Variants in PSMC5 observed in about 807,000 individuals in gnomAD.
The protein encoded by PSMC5 is 26S proteasome regulatory subunit 8.
A neutral mutation model predicts 49.1 loss-of-function variants in PSMC5; 11 were observed. The ratio of observed to expected loss-of-function variants is 0.22; its 90% confidence interval spans 0.14 to 0.37. PSMC5 has a LOEUF of 0.37. Among genes scored for constraint, PSMC5 ranks in the 10% least tolerant of loss-of-function variants. The pLI is 1.00. For missense variants in PSMC5, 229 were observed against 520.9 expected, an observed-to-expected ratio of 0.44 and a Z score of 5.45; for synonymous variants, 206 against 192.2, an observed-to-expected ratio of 1.07 and a Z score of -0.59.
In PSMC5 at chr17:63,831,411, C is replaced by A; in HGVS notation, c.955C>A (p.Pro319Thr). 1 of 1,613,574 alleles carries A rather than the reference C, an allele frequency of 6.2e-7. No individual in the cohort carries two copies. Among genetic ancestry groups the A allele is most frequent in the Non-Finnish European group, 8.5e-7 (1 of 1,179,740 alleles). ...GRIDRKIEFPPPNEEARLDIL... is the reference protein window; with the variant it reads ...GRIDRKIEFPTPNEEARLDIL... ...CATTGACAGAAAAATTGAATTCCCA[C>A]CCCCCAATGAGGAGGTTTGTGATGG... The change falls in exon 9 of 12, where the codon CCC (proline) becomes ACC (threonine). Residue 319 changes from proline to threonine, a missense_variant. By Grantham distance (38) the Pro-to-Thr change is conservative. This residue lies in a region of PSMC5 where 121 missense variants were observed against 330.6 expected (regional missense o/e 0.37). Coordinates refer to ENST00000310144, the MANE Select transcript of PSMC5 (RefSeq NM_002805.6). The surrounding 1 kb of genome is among the most constrained non-coding windows in gnomAD (Gnocchi z 6.3).
chr17:63,828,529 A>G (rs912578101), intron 2 of PSMC5: 2 of 244,114 alleles, frequency 8.2e-6, no homozygotes, highest in Non-Finnish European at 1.6e-5. Context: ...TAAAAGGGAA[A>G]CATAAGCTCA....
In PSMC5 at chr17:63,831,921, G is replaced by A. The variant is rs781264605; in HGVS notation, c.1173G>A (p.Met391Ile). The A allele has an allele frequency of 1.2e-6, 2 of 1,614,064 alleles. No homozygotes were observed. Among genetic ancestry groups the A allele is most frequent in the Middle Eastern group, 3.3e-4 (2 of 6,062 alleles). Residue 391 changes from methionine (M) to isoleucine (I), a missense_variant, in exon 12 of 12, where the codon ATG (methionine) becomes ATA (isoleucine). By Grantham distance (10) the Met-to-Ile change is conservative (BLOSUM62 1). Around this residue, in one of 4 missense-constraint regions of PSMC5, gnomAD observed 121 missense variants for 330.6 expected, o/e 0.37. Transcript: ENST00000310144. The surrounding 1 kb of genome is among the most constrained non-coding windows in gnomAD (Gnocchi z 6.3). ...ATTCTCTCTCCCACCCCTAGGTCAT[G>A]CAGAAGGACAGTGAGAAAAACATGT... ...EDFEMAVAKVMQKDSEKNMSI... is the reference protein window; with the variant it reads ...EDFEMAVAKVIQKDSEKNMSI...
At position 63,830,795 on chromosome 17, in the gene PSMC5, C is replaced by CTG. The variant is rs141296122; in HGVS notation, c.553-12_553-11dup. ...GTGTAGCTTTCTGCCCTGAGTCCTG[C>CTG]TGTTCCCCTGTAGGGAGTGCTGCTG... On this transcript the variant is annotated splice_polypyrimidine_tract_variant and intron_variant, in intron 6 of 11. Coordinates refer to ENST00000310144, the MANE Select transcript of PSMC5 (RefSeq NM_002805.6). The surrounding 1 kb of genome is among the most constrained non-coding windows in gnomAD (Gnocchi z 4.0). 1.3e-3 allele frequency: 2,050 copies of CTG among 1,613,660 alleles called. 31 individuals are homozygous for CTG. The African/African-American group carries it at 0.024, about 19-fold the overall frequency.
rs1023540328 is a variant in PSMC5 at position 63,830,002 on chromosome 17, C to T, written c.264+53C>T. On this transcript the variant is annotated intron_variant, in intron 4 of 11. Transcript: ENST00000310144. This position sits in a 1 kb window ranked among gnomAD's most constrained non-coding sequence, Gnocchi z 4.0. Reference sequence around the variant, plus strand: ...GCTCGGTCTCCACTGCATTCCCACCCCTTTGTGTGTAGCCTCGGGAGACAG... The same window carrying T: ...GCTCGGTCTCCACTGCATTCCCACCTCTTTGTGTGTAGCCTCGGGAGACAG... 2.5e-6 allele frequency: 4 copies of T among 1,571,726 alleles called. No homozygotes were observed. The highest frequency in any genetic ancestry group is 2.7e-5 in the African/African-American group (2 of 73,892).
Position 63,831,913 on chromosome 17 carries a change from T to C in PSMC5, c.1168-3T>C, listed in dbSNP as rs372617886. 3.9e-5 allele frequency: 63 copies of C among 1,613,962 alleles called. No individual in the cohort carries two copies. In the African/African-American group the frequency reaches 7.7e-4, roughly 20 times the overall value. The stretch of plus-strand genomic sequence containing the variant: ...TAATGTTCATTCTCTCTCCCACCCC[T>C]AGGTCATGCAGAAGGACAGTGAGAA... On this transcript the variant is annotated splice_region_variant and splice_polypyrimidine_tract_variant and intron_variant, in intron 11 of 11. Coordinates refer to ENST00000310144, the MANE Select transcript of PSMC5 (RefSeq NM_002805.6). The surrounding 1 kb of genome is among the most constrained non-coding windows in gnomAD (Gnocchi z 6.3).
Position 63,831,521 on chromosome 17 carries a change from T to C in PSMC5, c.985T>C (p.Leu329=), listed in dbSNP as rs1303940818. ...PPNEEARLDI[L]KIHSRKMNLT... ...CCATCTCCAGGCCCGGCTGGACATT[T>C]TGAAGATTCATTCTCGGAAGATGAA... Residue 329 remains leucine (L), a synonymous_variant, in exon 10 of 12, where the codon TTG becomes CTG. Transcript: ENST00000310144. This position sits in a 1 kb window ranked among gnomAD's most constrained non-coding sequence, Gnocchi z 6.3. The C allele has an allele frequency of 5.6e-6, 9 of 1,613,914 alleles. No homozygotes were observed. The highest frequency in any genetic ancestry group is 3.3e-5 in the Admixed American group (2 of 59,994).
chr17:63,831,865 A>G lies in PSMC5; in HGVS notation c.1168-51A>G, dbSNP rs2040193122. The G allele has an allele frequency of 6.2e-7, 1 of 1,612,616 alleles. No homozygotes were observed. The highest frequency in any genetic ancestry group is 1.1e-5 in the South Asian group (1 of 91,036). On this transcript the variant is annotated intron_variant, in intron 11 of 11. Transcript: ENST00000310144. The surrounding 1 kb of genome is among the most constrained non-coding windows in gnomAD (Gnocchi z 6.3). ...AGTGGTGGCTCTGGGGCAGTGGGCTAGGGCATGTGTGTGTTCGTAACTTAA... is the reference window on the plus strand; with the variant it reads ...AGTGGTGGCTCTGGGGCAGTGGGCTGGGGCATGTGTGTGTTCGTAACTTAA...
intron 2 of PSMC5, 103 bp downstream of exon 2, chr17:63,828,312 T>A: frequency 5.3e-6 from 6 of 1,130,598 alleles, no homozygotes; most frequent in African/African-American, 1.5e-5. Context: ...TGGAAGAAGC[T>A]GCTGCTTCTC....
intron 1 of PSMC5, chr17:63,827,764 G>C: frequency 7.0e-7 from 1 of 1,431,926 alleles, no homozygotes; most frequent in Non-Finnish European, 9.1e-7. Flanking sequence ...GGGAATGGCC[G>C]GCCCACGGGT....
In PSMC5 at chr17:63,831,919, A is replaced by T. The variant is rs755426300; in HGVS notation, c.1171A>T (p.Met391Leu). The T allele has an allele frequency of 3.7e-6, 6 of 1,614,064 alleles. No homozygotes were observed. The Middle Eastern group carries it at 6.6e-4, about 178-fold the overall frequency. The change falls in exon 12 of 12, where the codon ATG (methionine) becomes TTG (leucine). Residue 391 changes from methionine to leucine, a missense_variant. This residue lies in a region of PSMC5 where 121 missense variants were observed against 330.6 expected (regional missense o/e 0.37). Transcript: ENST00000310144. This position sits in a 1 kb window ranked among gnomAD's most constrained non-coding sequence, Gnocchi z 6.3. Reference sequence around the variant, plus strand: ...TCATTCTCTCTCCCACCCCTAGGTCATGCAGAAGGACAGTGAGAAAAACAT... The same window carrying T: ...TCATTCTCTCTCCCACCCCTAGGTCTTGCAGAAGGACAGTGAGAAAAACAT... ...EDFEMAVAKV[M>L]QKDSEKNMSI...
At chr17:63,829,980 C>A (rs772591118) in intron 4 of PSMC5, 31 bp downstream of exon 4, 1 of 1,588,168 alleles carries the variant, frequency 6.3e-7, no homozygotes, top group South Asian at 1.2e-5. Flanking sequence ...GGGACCAGCT[C>A]GGTCTCCACT....
At chr17:63,827,576 T>C in intron 1 of PSMC5, 62 bp downstream of exon 1, 1 of 1,551,120 alleles carries the variant, frequency 6.4e-7, no homozygotes, top group Non-Finnish European at 8.7e-7. Flanking sequence ...GAGCGTGATC[T>C]GAGTGGAGAG....
At position 63,828,521 on chromosome 17, in the gene PSMC5, AAAGGGAAACAT is replaced by A. The variant is rs1224306448; in HGVS notation, c.96+316_96+326del. ...AGCCCGAATGAAAAGGATTCTTATA[AAAGGGAAACAT>A]AAGCTCAGGAGTTGAAATTTATCAC... is the stretch of plus-strand genomic sequence containing the variant. On this transcript the variant is annotated intron_variant, in intron 2 of 11. Transcript: ENST00000310144. The A allele has an allele frequency of 4.7e-5, 12 of 253,630 alleles. No individual in the cohort carries two copies. The South Asian group carries it at 6.8e-4, about 14-fold the overall frequency. 15.7% of individuals were successfully genotyped at this position (253,630 alleles called of 1,614,324 possible). A position where few individuals can be genotyped will look rare whatever the true frequency, so the allele number is the denominator to read the frequency against.
chr17:63,831,832 C>T lies in PSMC5; in HGVS notation c.1167+22C>T. The T allele has an allele frequency of 2.5e-6, 4 of 1,613,618 alleles. No homozygotes were observed. Among genetic ancestry groups the T allele is most frequent in the South Asian group, 2.2e-5 (2 of 91,072 alleles). The stretch of plus-strand genomic sequence containing the variant: ...CAAGGTATAGGCCTCCATCTTTGTG[C>T]CTTTGCCAGTGGTGGCTCTGGGGCA... On this transcript the variant is annotated intron_variant, in intron 11 of 11. Coordinates refer to ENST00000310144, the MANE Select transcript of PSMC5 (RefSeq NM_002805.6). This position sits in a 1 kb window ranked among gnomAD's most constrained non-coding sequence, Gnocchi z 6.3.
In PSMC5 at chr17:63,831,650, G is replaced by T; in HGVS notation, c.1080+34G>T. The T allele has an allele frequency of 1.2e-6, 2 of 1,613,162 alleles. No individual in the cohort carries two copies. The highest frequency in any genetic ancestry group is 1.7e-6 in the Non-Finnish European group (2 of 1,179,078). ...AGTACCCACTGAAAACAGGGCAGAG[G>T]CAGGAAGCTCTGGGCTCAAGGGCCA... On this transcript the variant is annotated intron_variant, in intron 10 of 11. Transcript: ENST00000310144. This position sits in a 1 kb window ranked among gnomAD's most constrained non-coding sequence, Gnocchi z 6.3.
In PSMC5 at chr17:63,827,506, C is replaced by G. The variant is rs926239770; in HGVS notation, c.16C>G (p.Pro6Ala). 6 of 1,551,642 alleles carry G rather than the reference C, an allele frequency of 3.9e-6. No homozygotes were observed. The African/African-American group carries it at 6.8e-5, about 18-fold the overall frequency. The change falls in exon 1 of 12, where the codon CCA becomes GCA. Residue 6 changes from proline to alanine, a missense_variant. By Grantham distance (27) the Pro-to-Ala change is conservative. This residue lies in a region of PSMC5 where 98 missense variants were observed against 144.0 expected (regional missense o/e 0.68). Coordinates refer to ENST00000310144, the MANE Select transcript of PSMC5 (RefSeq NM_002805.6). ...AAGAGAGAAGATGGCGCTTGACGGA[C>G]CAGAGCAGGTATGGCGGGTGCAGTG... Reference protein sequence around the residue: MALDGPEQMELEEGKA... With the variant: MALDGAEQMELEEGKA...
In PSMC5 at chr17:63,828,163, G is replaced by A. The variant is rs1415435145; in HGVS notation, c.50G>A (p.Gly17Asp). The A allele has an allele frequency of 8.7e-6, 14 of 1,614,036 alleles. No homozygotes were observed. Among genetic ancestry groups the A allele is most frequent in the Non-Finnish European group, 1.2e-5 (14 of 1,180,038 alleles). ...EQMELEEGKAGSGLRQYYLSK... is the reference protein window; with the variant it reads ...EQMELEEGKADSGLRQYYLSK... ...ATGGAGCTGGAGGAGGGGAAGGCAGGCAGCGGACTCCGCCAATATTATCTG... is the reference window on the plus strand; with the variant it reads ...ATGGAGCTGGAGGAGGGGAAGGCAGACAGCGGACTCCGCCAATATTATCTG... The change falls in exon 2 of 12, where the codon GGC becomes GAC. Residue 17 changes from glycine (G) to aspartate (D), a missense_variant. Transcript: ENST00000310144.
Position 63,831,982 on chromosome 17 carries a change from T to C in PSMC5, c.*13T>C, listed in dbSNP as rs1265399685. 5 of 1,611,436 alleles carry C rather than the reference T, an allele frequency of 3.1e-6. No individual in the cohort carries two copies. Among genetic ancestry groups the C allele is most frequent in the Non-Finnish European group, 8.5e-7 (1 of 1,177,522 alleles). The stretch of plus-strand genomic sequence containing the variant: ...ATTATGGAAGTGAGTGGACAGCCTT[T>C]GTGTGTATCTCTCCAATAAAGCTCT... On this transcript the variant is annotated 3_prime_UTR_variant, in exon 12 of 12. Transcript: ENST00000310144. This position sits in a 1 kb window ranked among gnomAD's most constrained non-coding sequence, Gnocchi z 6.3.
intron 2 of PSMC5, chr17:63,829,217 G>T: frequency 5.7e-6 from 2 of 349,772 alleles, no homozygotes; most frequent in Non-Finnish European, 1.0e-5. Context: ...AAGAAATTTG[G>T]TGTTACATGA....
Sources: gnomAD v4.1 joint callset for allele counts on GRCh38, gnomAD v4.1.1 for gene constraint, gnomAD v4.1.1 regional missense constraint, Gnocchi (gnomAD v3.1) non-coding constraint, MANE v1.5 for transcripts, NCBI Gene and HGNC (gene_info 2026-07-23, HGNC 2026-07-21) for gene names.